PPARGC1A: variants seen among roughly 807,000 people sequenced by gnomAD.
PPARGC1A encodes PPARG coactivator 1 alpha.
PPARGC1A carries 25 observed loss-of-function variants against 88.7 expected under a neutral mutation model. The observed-to-expected ratio is 0.28, with a 90% CI of 0.21 to 0.39. PPARGC1A has a LOEUF of 0.39. Among genes scored for constraint, PPARGC1A ranks in the 10% least tolerant of loss-of-function variants. PPARGC1A has a pLI of 1.00. For missense variants in PPARGC1A, 880 were observed against 968.7 expected, an observed-to-expected ratio of 0.91 and a Z score of 1.22; for synonymous variants, 363 against 355.6, an observed-to-expected ratio of 1.02 and a Z score of -0.24.
chr4:24,340,362 T>C, the PPARGC1A span, among the ~76,000 whole-genome samples: 5 of 152,248 alleles, frequency 3.3e-5, no homozygotes, highest in African/African-American at 1.2e-4. Flanking sequence ...AAACGGCTTA[T>C]TGAAAATTCT....
chr4:23,988,769 C>T, the PPARGC1A span, among the ~76,000 whole-genome samples: 1 of 150,326 alleles, frequency 6.7e-6, no homozygotes, highest in East Asian at 1.9e-4. Context: ...TACACACACA[C>T]ATAAATCTAT....
chr4:24,394,476 C>T, the PPARGC1A span, among the ~76,000 whole-genome samples: 1 of 152,116 alleles, frequency 6.6e-6, no homozygotes, highest in African/African-American at 2.4e-5. Context: ...TTCAGGTAGA[C>T]AGATCTTTAA....
chr4:23,935,023 C>T, the PPARGC1A span, among the ~76,000 whole-genome samples: 1 of 152,190 alleles, frequency 6.6e-6, no homozygotes, highest in African/African-American at 2.4e-5. Flanking sequence ...AAACCAAGCT[C>T]GAGGTTCTGC....
chr4:24,440,706 G>A, the PPARGC1A span, among the ~76,000 whole-genome samples: 88 of 152,238 alleles, frequency 5.8e-4, no homozygotes, highest in African/African-American at 2.0e-3. Context: ...GGAGGCTGAG[G>A]CAGGAGGATA....
upstream of PPARGC1A, among the ~76,000 whole-genome samples, chr4:23,905,129 A>G (rs1719886262): frequency 6.6e-6 from 1 of 152,214 alleles, no homozygotes; most frequent in Admixed American, 6.5e-5. Flanking sequence ...CCTAGTATGT[A>G]AAGAGCAGCT....
At chr4:23,913,227 T>C in the PPARGC1A span, among the ~76,000 whole-genome samples, 1 of 138,600 alleles carries the variant, frequency 7.2e-6, no homozygotes, top group African/African-American at 2.6e-5. Context: ...GTAGATATTA[T>C]ATATATTATA....
At chr4:23,801,249 GCATA>G (rs990433676) in intron 12 of PPARGC1A, among the ~76,000 whole-genome samples, 2 of 151,238 alleles carry the variant, frequency 1.3e-5, no homozygotes, top group African/African-American at 4.9e-5. Flanking sequence ...TACAATACCT[GCATA>G]CATACACACA....
the PPARGC1A span, among the ~76,000 whole-genome samples, chr4:24,339,237 T>TATATACACAC: frequency 9.6e-6 from 1 of 104,266 alleles, no homozygotes; most frequent in Non-Finnish European, 1.9e-5. Flanking sequence ...TATATATATA[T>TATATACACAC]ACACACACAC....
chr4:24,272,940 C>T, the PPARGC1A span, among the ~76,000 whole-genome samples: 1 of 152,174 alleles, frequency 6.6e-6, no homozygotes, highest in Non-Finnish European at 1.5e-5. Flanking sequence ...AAAAGTATGC[C>T]AAATCAATTA....
chr4:24,312,616 A>G, the PPARGC1A span, among the ~76,000 whole-genome samples: 88 of 143,156 alleles, frequency 6.1e-4, 1 homozygote, highest in African/African-American at 2.1e-3. Context: ...GGTGGGGGGG[A>G]AAAGGATTTC....
chr4:23,928,662 C>T, the PPARGC1A span, among the ~76,000 whole-genome samples: 1 of 149,102 alleles, frequency 6.7e-6, no homozygotes. Flanking sequence ...ATGTTCATTG[C>T]AGCACTATTA....
the PPARGC1A span, among the ~76,000 whole-genome samples, chr4:24,326,425 T>C: frequency 2.0e-5 from 3 of 151,812 alleles, no homozygotes; most frequent in Non-Finnish European, 4.4e-5. Context: ...CCTCAATACC[T>C]CCCTCCACAA....
intron 2 of PPARGC1A, among the ~76,000 whole-genome samples, chr4:23,841,982 T>C (rs1007231308): frequency 6.6e-6 from 1 of 152,102 alleles, no homozygotes; most frequent in Non-Finnish European, 1.5e-5. Flanking sequence ...AAAGACAGAG[T>C]TGGATATTAA....
At chr4:24,081,344 A>G in the PPARGC1A span, among the ~76,000 whole-genome samples, 1 of 152,136 alleles carries the variant, frequency 6.6e-6, no homozygotes, top group African/African-American at 2.4e-5. Flanking sequence ...CATCTTGGCA[A>G]GAAGCTGACT....
At chr4:23,841,773 T>A (rs1727085774) in intron 2 of PPARGC1A, among the ~76,000 whole-genome samples, 1 of 152,080 alleles carries the variant, frequency 6.6e-6, no homozygotes, top group Non-Finnish European at 1.5e-5. Flanking sequence ...AATCCCAACT[T>A]GTACTTTTTC....
At chr4:24,025,230 T>G in the PPARGC1A span, among the ~76,000 whole-genome samples, 1 of 152,090 alleles carries the variant, frequency 6.6e-6, no homozygotes, top group African/African-American at 2.4e-5. Flanking sequence ...TGGGACGAAT[T>G]AACAAAAGGA....
chr4:24,250,971 T>C, the PPARGC1A span, among the ~76,000 whole-genome samples: 64 of 152,364 alleles, frequency 4.2e-4, no homozygotes, highest in South Asian at 1.0e-3. Flanking sequence ...CAAACTCATC[T>C]GGGGAACACC....
intron 2 of PPARGC1A, among the ~76,000 whole-genome samples, chr4:23,877,157 TCTA>T (rs1714868474): frequency 6.6e-6 from 1 of 151,972 alleles, no homozygotes; most frequent in Admixed American, 6.6e-5. Context: ...CTGCTCTCAT[TCTA>T]GCTACAGTAA....
the PPARGC1A span, among the ~76,000 whole-genome samples, chr4:24,467,096 GA>G: frequency 7.6e-6 from 1 of 131,660 alleles, no homozygotes; most frequent in African/African-American, 2.8e-5. Flanking sequence ...GAGAGAGAGA[GA>G]GAGAAGGAGG....
Sources: gnomAD v4.1 joint callset for allele counts (sites outside exome capture counted in the v4.1 genomes callset) on GRCh38, gnomAD v4.1.1 for gene constraint, MANE v1.5 for transcripts, NCBI Gene and HGNC (gene_info 2026-07-23, HGNC 2026-07-21) for gene names.